Variants in GRID1 observed in about 807,000 individuals in gnomAD.
The protein encoded by GRID1 is glutamate ionotropic receptor delta type subunit 1, also known as glutamate receptor ionotropic, delta-1.
In GRID1, 28 loss-of-function variants were observed where a neutral mutation model predicts 98.0. The ratio of observed to expected loss-of-function variants is 0.29; its 90% CI spans 0.21 to 0.39. The LOEUF (loss-of-function observed/expected upper bound fraction) is 0.39. Among genes scored for constraint, GRID1 ranks in the 10% least tolerant of loss-of-function variants. GRID1 has a pLI of 1.00. For synonymous variants in GRID1, 553 were observed against 538.5 expected, an observed-to-expected ratio of 1.03 and a Z score of -0.37; for missense variants, 1,111 against 1,340.5, an observed-to-expected ratio of 0.83 and a Z score of 2.67.
At chr10:85,773,456 G>A (rs537439572) in intron 8 of GRID1, among the ~76,000 whole-genome samples, 1 of 152,292 alleles carries the variant, frequency 6.6e-6, no homozygotes, top group African/African-American at 2.4e-5. Context: ...TCAACATAGT[G>A]TTGGAAGTTC....
At chr10:86,200,836 C>A (rs1291259070) in intron 3 of GRID1, among the ~76,000 whole-genome samples, 2 of 152,098 alleles carry the variant, frequency 1.3e-5, no homozygotes, top group Non-Finnish European at 2.9e-5. Context: ...AGATACCCAA[C>A]CTCATCTATC....
At chr10:85,884,830 G>A (rs1841089043) in intron 5 of GRID1, among the ~76,000 whole-genome samples, 1 of 152,102 alleles carries the variant, frequency 6.6e-6, no homozygotes, top group Non-Finnish European at 1.5e-5. Context: ...AATACTGATG[G>A]ATCTACCTCC....
intron 4 of GRID1, among the ~76,000 whole-genome samples, chr10:86,031,711 C>T (rs1166766341): frequency 6.6e-6 from 1 of 152,120 alleles, no homozygotes; most frequent in African/African-American, 2.4e-5. Context: ...CCTTCTCCCA[C>T]CATGGTCTGT....
intron 5 of GRID1, among the ~76,000 whole-genome samples, chr10:85,870,568 G>T (rs1843268850): frequency 6.6e-6 from 1 of 152,230 alleles, no homozygotes; most frequent in African/African-American, 2.4e-5. Context: ...AACAAGTTCT[G>T]GAGGAGAAAC....
rs556229026 is a variant in GRID1, at chr10:85,878,051, G to A, written c.781-8871C>T. Among the ~76,000 whole-genome samples, 29 of 152,292 alleles carry A rather than the reference G, an allele frequency of 1.9e-4. No homozygotes were observed. The South Asian group carries it at 5.6e-3, about 29-fold the overall frequency. On this transcript the variant is annotated intron_variant, in intron 5 of 15. Coordinates refer to ENST00000327946, the MANE Select transcript of GRID1 (RefSeq NM_017551.3). ...GAAGACGAAATGAATGAAATGAAGC[G>A]AGAAGAGGAGTTTAGAGAAAAACGA...
intron 2 of GRID1, among the ~76,000 whole-genome samples, chr10:86,246,743 A>G (rs1430794984): frequency 1.3e-5 from 2 of 152,050 alleles, no homozygotes; most frequent in Admixed American, 6.5e-5. Flanking sequence ...CACAGCCTGA[A>G]AGCTTATTCT....
At chr10:85,718,052 T>C (rs1037209167) in intron 12 of GRID1, among the ~76,000 whole-genome samples, 1 of 152,198 alleles carries the variant, frequency 6.6e-6, no homozygotes, top group East Asian at 1.9e-4. Flanking sequence ...CCCTCATGGC[T>C]GCTTTCATGG....
Position 86,300,463 on chromosome 10 carries a change from C to T in GRID1, c.235+63478G>A, listed in dbSNP as rs76131654. Among the ~76,000 whole-genome samples the T allele has an allele frequency of 8.7e-3, 1,005 of 115,964 alleles. 16 individuals are homozygous for T. Among genetic ancestry groups the T allele is most frequent in the African/African-American group, 0.031 (927 of 30,034 alleles). The allele number at this position is 115,964 out of a possible 152,430, so 76.1% of individuals were successfully genotyped here. A position where few individuals can be genotyped will look rare whatever the true frequency, so the allele number is the denominator to read the frequency against. On this transcript the variant is annotated intron_variant, in intron 2 of 15. Transcript: ENST00000327946. Reference sequence around the variant, plus strand: ...ACCTGGGTGACAGAGCCAGAGGGAACAGGGGAGGGAGGAAGGGAGGGAGGG... The same window carrying T: ...ACCTGGGTGACAGAGCCAGAGGGAATAGGGGAGGGAGGAAGGGAGGGAGGG...
intron 2 of GRID1, among the ~76,000 whole-genome samples, chr10:86,319,739 A>T (rs1018768323): frequency 1.3e-5 from 2 of 152,208 alleles, no homozygotes; most frequent in African/African-American, 4.8e-5. Context: ...GCTGACGAGG[A>T]CAGGGAGCGT....
chr10:86,057,695 G>A (rs1226587787), intron 4 of GRID1, among the ~76,000 whole-genome samples: 1 of 152,090 alleles, frequency 6.6e-6, no homozygotes, highest in Non-Finnish European at 1.5e-5. Flanking sequence ...CACTGCCTCA[G>A]GGAAGTCTTC....
chr10:85,968,449 TCA>T (rs1564638043), intron 4 of GRID1, among the ~76,000 whole-genome samples: 1 of 47,182 alleles, frequency 2.1e-5, no homozygotes, highest in Non-Finnish European at 3.6e-5. Flanking sequence ...AGACTCTGTC[TCA>T]AAAAAAAAAA....
At chr10:86,156,274 C>T (rs1364341784) in intron 3 of GRID1, among the ~76,000 whole-genome samples, 2 of 152,218 alleles carry the variant, frequency 1.3e-5, no homozygotes, top group African/African-American at 4.8e-5. Flanking sequence ...CTGCTCCAAT[C>T]CGATTTTATA....
chr10:86,258,269 T>C (rs1846957305), intron 2 of GRID1, among the ~76,000 whole-genome samples: 2 of 152,222 alleles, frequency 1.3e-5, no homozygotes, highest in Admixed American at 1.3e-4. Flanking sequence ...AGCTGAATGA[T>C]ATAATTCAAA....
At chr10:85,784,292 A>ATT (rs1842406426) in intron 8 of GRID1, among the ~76,000 whole-genome samples, 1 of 152,214 alleles carries the variant, frequency 6.6e-6, no homozygotes. Flanking sequence ...CTCTGACTAC[A>ATT]TAAACCAATC....
chr10:85,865,190 C>T (rs1564613027), intron 6 of GRID1, among the ~76,000 whole-genome samples: 1 of 152,176 alleles, frequency 6.6e-6, no homozygotes, highest in East Asian at 1.9e-4. Context: ...ACAAATAAGA[C>T]AGTGCTTTGT....
At chr10:85,859,478 A>G (rs936689804) in intron 6 of GRID1, among the ~76,000 whole-genome samples, 6 of 152,130 alleles carry the variant, frequency 3.9e-5, no homozygotes, top group Admixed American at 6.5e-5. Flanking sequence ...CAGAAGGCAT[A>G]CACTAACCAT....
chr10:86,320,856 T>C (rs1385746136), intron 2 of GRID1, among the ~76,000 whole-genome samples: 1 of 151,824 alleles, frequency 6.6e-6, no homozygotes, highest in Non-Finnish European at 1.5e-5. Flanking sequence ...TCCCAGCACT[T>C]TGGGAGGCTG....
intron 6 of GRID1, among the ~76,000 whole-genome samples, chr10:85,859,378 G>A (rs1843143270): frequency 6.6e-6 from 1 of 151,586 alleles, no homozygotes; most frequent in Non-Finnish European, 1.5e-5. Context: ...GGTGGATGGA[G>A]TGATGAAGTG....
chr10:86,084,785 A>T, intron 4 of GRID1, among the ~76,000 whole-genome samples: 1 of 152,156 alleles, frequency 6.6e-6, no homozygotes, highest in African/African-American at 2.4e-5. Flanking sequence ...CTCACAACAG[A>T]ATACTGTATG....
Sources: gnomAD v4.1 joint callset for allele counts (sites outside exome capture counted in the v4.1 genomes callset) on GRCh38, gnomAD v4.1.1 for gene constraint, MANE v1.5 for transcripts, NCBI Gene and HGNC (gene_info 2026-07-23, HGNC 2026-07-21) for gene names.